CPEB3: variants seen among roughly 807,000 people sequenced by gnomAD.
The protein encoded by CPEB3 is cytoplasmic polyadenylation element-binding protein 3.
In CPEB3, 20 loss-of-function variants were observed where a neutral mutation model predicts 67.2. That is an observed-to-expected ratio of 0.30 (90% confidence interval 0.21 to 0.43). CPEB3 has a LOEUF of 0.43. Among genes scored for constraint, CPEB3 ranks in the 20% least tolerant of loss-of-function variants. CPEB3 has a pLI of 1.00. For synonymous variants in CPEB3, 376 were observed against 393.1 expected (o/e 0.96, Z 0.51); for missense variants, 746 against 968.6 (o/e 0.77, Z 3.05).
chr10:92,183,728 T>C (rs1179557303), intron 3 of CPEB3, among the ~76,000 whole-genome samples: 1 of 152,134 alleles, frequency 6.6e-6, no homozygotes, highest in Non-Finnish European at 1.5e-5. Context: ...TTTTCAAACT[T>C]TAACCAAGGA....
chr10:92,265,565 C>T (rs1318637894), intron 1 of CPEB3, among the ~76,000 whole-genome samples: 1 of 151,670 alleles, frequency 6.6e-6, no homozygotes, highest in Non-Finnish European at 1.5e-5. Context: ...GAGACCAGCC[C>T]GGCCAACATG....
chr10:92,180,122 T>C (rs998921153), intron 4 of CPEB3, among the ~76,000 whole-genome samples: 4 of 152,018 alleles, frequency 2.6e-5, no homozygotes, highest in African/African-American at 7.3e-5. Flanking sequence ...ATCTGATCCA[T>C]TGACACTAGG....
rs1428334298 is a variant in CPEB3 at position 92,239,033 on chromosome 10, C to A, written c.1005+313G>T. On this transcript the variant is annotated intron_variant, in intron 2 of 9. Transcript: ENST00000265997. The surrounding 1 kb of genome is among the most constrained non-coding windows in gnomAD (Gnocchi z 6.0). ...GGGACTATGCCGGCACCTTGCCACA[C>A]ACTTGCAGCTTTACTTGTCAAAGGA... 6.6e-6 allele frequency among the ~76,000 whole-genome samples: 1 copy of A among 152,172 alleles called. No individual in the cohort carries two copies.
At chr10:92,191,135 G>A (rs773054815) in intron 3 of CPEB3, among the ~76,000 whole-genome samples, 5 of 151,662 alleles carry the variant, frequency 3.3e-5, no homozygotes, top group Non-Finnish European at 7.4e-5. Flanking sequence ...GTATCAGCCG[G>A]GTGCGGTGGC....
chr10:92,270,812 C>T (rs1305293953), intron 1 of CPEB3, among the ~76,000 whole-genome samples: 2 of 151,792 alleles, frequency 1.3e-5, no homozygotes, highest in East Asian at 1.9e-4. Flanking sequence ...TCAAGTGATT[C>T]GCCCATCTTG....
chr10:92,140,145 T>C (rs1564812005), intron 6 of CPEB3, among the ~76,000 whole-genome samples: 1 of 150,854 alleles, frequency 6.6e-6, no homozygotes. Flanking sequence ...AAAGTTCATA[T>C]GGAACCAAAA....
In CPEB3 at chr10:92,263,826, G is replaced by GTTTTAAAATTTTGTTTTAA. The variant is rs1852917995; in HGVS notation, c.-11-23466_-11-23465insTTAAAACAAAATTTTAAAA. On this transcript the variant is annotated intron_variant, in intron 1 of 9. Coordinates refer to ENST00000265997, the MANE Select transcript of CPEB3 (RefSeq NM_014912.5). ...ATGCATGAGCCACTGCACCTAGCCAGATTTTAAAATTAGTTTTAAAAATTT... is the reference window on the plus strand; with the variant it reads ...ATGCATGAGCCACTGCACCTAGCCAGTTTTAAAATTTTGTTTTAAATTTTAAAATTAGTTTTAAAAATTT... 2.1e-4 allele frequency among the ~76,000 whole-genome samples: 32 copies of GTTTTAAAATTTTGTTTTAA among 152,208 alleles called. No homozygotes were observed. In the South Asian group the frequency reaches 5.8e-3, roughly 28 times the overall value.
chr10:92,260,954 A>T (rs1852772254), intron 1 of CPEB3, among the ~76,000 whole-genome samples: 1 of 152,148 alleles, frequency 6.6e-6, no homozygotes, highest in South Asian at 2.1e-4. Context: ...TACTAATTTT[A>T]GTCTTCAGAG....
At chr10:92,177,008 C>A (rs1848250033) in intron 4 of CPEB3, among the ~76,000 whole-genome samples, 1 of 152,130 alleles carries the variant, frequency 6.6e-6, no homozygotes, top group Non-Finnish European at 1.5e-5. Context: ...TGGCCCAGGA[C>A]AATTATTCTT....
chr10:92,264,068 C>A (rs1316905454), intron 1 of CPEB3, among the ~76,000 whole-genome samples: 1 of 152,100 alleles, frequency 6.6e-6, no homozygotes, highest in Non-Finnish European at 1.5e-5. Flanking sequence ...GTGACTCACG[C>A]CTATAATCCC....
chr10:92,155,040 G>A (rs1334362794), intron 4 of CPEB3, among the ~76,000 whole-genome samples: 1 of 152,042 alleles, frequency 6.6e-6, no homozygotes, highest in Non-Finnish European at 1.5e-5. Flanking sequence ...GAAACCCCAT[G>A]TCTACTAAAA....
chr10:92,143,223 G>C, intron 5 of CPEB3, 105 bp from the exon 6 acceptor site: 7 of 817,678 alleles, frequency 8.6e-6, no homozygotes, highest in South Asian at 1.8e-5. Context: ...ATGTTTTGAG[G>C]GTTGTTTTCT....
intron 4 of CPEB3, among the ~76,000 whole-genome samples, chr10:92,179,964 G>T (rs1848391408): frequency 6.6e-6 from 1 of 152,196 alleles, no homozygotes; most frequent in Non-Finnish European, 1.5e-5. Flanking sequence ...TTGAGAGTCA[G>T]CTTGTATATC....
At chr10:92,156,576 G>T (rs886171029) in intron 4 of CPEB3, among the ~76,000 whole-genome samples, 1 of 152,154 alleles carries the variant, frequency 6.6e-6, no homozygotes, top group Non-Finnish European at 1.5e-5. Context: ...TCTCCAGATG[G>T]TGTCTATTTT....
rs554368332 is a variant in CPEB3 at position 92,176,072 on chromosome 10, C to T, written c.1222+4891G>A. ...CACCACTGTACTCCAGCCTAGGCAA[C>T]AGAGTGAGATTCTGTCTCCAAATAA... is the stretch of plus-strand genomic sequence containing the variant. On this transcript the variant is annotated intron_variant, in intron 4 of 9. Transcript: ENST00000265997. Among the ~76,000 whole-genome samples the T allele has an allele frequency of 2.0e-5, 3 of 151,836 alleles. No individual in the cohort carries two copies. The South Asian group carries it at 6.3e-4, about 32-fold the overall frequency.
At chr10:92,119,422 GA>G (rs1296972863) in intron 6 of CPEB3, among the ~76,000 whole-genome samples, 1 of 152,206 alleles carries the variant, frequency 6.6e-6, no homozygotes, top group Non-Finnish European at 1.5e-5. Context: ...TCTGGGACTA[GA>G]AGCAGTTATT....
chr10:92,142,906 A>G, intron 6 of CPEB3, 123 bp downstream of exon 6: 1 of 620,924 alleles, frequency 1.6e-6, no homozygotes, highest in Non-Finnish European at 2.9e-6. Context: ...TCAACATTAA[A>G]ATGTTTTCCT....
chr10:92,242,008 A>T (rs1453751415), intron 1 of CPEB3, among the ~76,000 whole-genome samples: 1 of 152,214 alleles, frequency 6.6e-6, no homozygotes, highest in Non-Finnish European at 1.5e-5. Flanking sequence ...CATCCTCATG[A>T]TAATAATTAT....
intron 2 of CPEB3, among the ~76,000 whole-genome samples, chr10:92,212,774 G>A (rs531103027): frequency 2.6e-5 from 4 of 151,374 alleles, no homozygotes; most frequent in Non-Finnish European, 4.4e-5. Flanking sequence ...AAATATATTA[G>A]TAAAATTAAT....
Sources: gnomAD v4.1 joint callset for allele counts (sites outside exome capture counted in the v4.1 genomes callset) on GRCh38, gnomAD v4.1.1 for gene constraint, Gnocchi (gnomAD v3.1) non-coding constraint, MANE v1.5 for transcripts, NCBI Gene and HGNC (gene_info 2026-07-23, HGNC 2026-07-21) for gene names.